The following RARB variants were observed in gnomAD, a reference collection of about 807,000 sequenced individuals.
RARB encodes retinoic acid receptor beta.
Under a neutral mutation model 51.9 loss-of-function variants are expected in RARB, and 17 were observed. That is an observed-to-expected ratio of 0.33 (90% confidence interval 0.22 to 0.49). The LOEUF (loss-of-function observed/expected upper bound fraction) is 0.49, where lower values mean the gene tolerates loss of function less well. RARB is among the 20% of genes least tolerant of loss of function. The pLI is 0.99. For synonymous variants in RARB, 215 were observed against 195.4 expected (o/e 1.10, Z -0.84); for missense variants, 369 against 550.8 (o/e 0.67, Z 3.30).
At chr3:25,233,206 A>G (rs1035894496) in intron 5 of RARB, among the ~76,000 whole-genome samples, 2 of 151,492 alleles carry the variant, frequency 1.3e-5, no homozygotes, top group Non-Finnish European at 2.9e-5. Context: ...TGATCCAATC[A>G]CCTCAGCCCC....
At chr3:24,912,191 A>G (rs1331158730) in intron 2 of RARB, among the ~76,000 whole-genome samples, 1 of 152,138 alleles carries the variant, frequency 6.6e-6, no homozygotes, top group Admixed American at 6.5e-5. Flanking sequence ...CAGGGGGGAA[A>G]TGTGGCTCCA....
chr3:25,475,712 C>G (rs539234413), intron 2 of RARB, among the ~76,000 whole-genome samples: 1 of 152,254 alleles, frequency 6.6e-6, no homozygotes, highest in Non-Finnish European at 1.5e-5. Flanking sequence ...TCTGCCATAT[C>G]CACGCTGACC....
At chr3:25,304,654 G>A (rs531472728) in intron 5 of RARB, among the ~76,000 whole-genome samples, 1 of 152,090 alleles carries the variant, frequency 6.6e-6, no homozygotes, top group Non-Finnish European at 1.5e-5. Context: ...CCACTACCGC[G>A]CTAGTCCACG....
intron 3 of RARB, among the ~76,000 whole-genome samples, chr3:25,548,800 C>G (rs1699727343): frequency 6.6e-6 from 1 of 152,042 alleles, no homozygotes; most frequent in South Asian, 2.1e-4. Flanking sequence ...TATATACATT[C>G]CCAGGAGAAA....
At chr3:25,541,790 G>T (rs530893692) in intron 3 of RARB, among the ~76,000 whole-genome samples, 3 of 152,114 alleles carry the variant, frequency 2.0e-5, no homozygotes, top group Non-Finnish European at 4.4e-5. Context: ...CTTCGAATTT[G>T]GTCTAGTCTC....
intron 5 of RARB, chr3:25,324,266 G>A (rs1011441947): frequency 6.0e-6 from 1 of 166,716 alleles, no homozygotes; most frequent in Non-Finnish European, 1.3e-5. Flanking sequence ...AGAAGCTCAA[G>A]AAGGTGGTAC....
At chr3:25,318,319 C>T (rs1211193512) in intron 5 of RARB, among the ~76,000 whole-genome samples, 1 of 152,072 alleles carries the variant, frequency 6.6e-6, no homozygotes, top group Non-Finnish European at 1.5e-5. Flanking sequence ...ATTGCAGTTC[C>T]TTGGGGTACA....
chr3:24,906,320 T>G (rs1255558803), intron 2 of RARB, among the ~76,000 whole-genome samples: 1 of 152,140 alleles, frequency 6.6e-6, no homozygotes, highest in African/African-American at 2.4e-5. Flanking sequence ...TCTTAGTGTT[T>G]GGATTGACTT....
chr3:25,242,894 T>C (rs561304743), intron 5 of RARB, among the ~76,000 whole-genome samples: 28 of 152,222 alleles, frequency 1.8e-4, no homozygotes, highest in Non-Finnish European at 3.8e-4. Context: ...TCAATTACTT[T>C]GGGCAGTATG....
intron 2 of RARB, among the ~76,000 whole-genome samples, chr3:24,954,750 G>A (rs1695972128): frequency 6.6e-6 from 1 of 152,084 alleles, no homozygotes; most frequent in Non-Finnish European, 1.5e-5. Context: ...GTAGAGAAAG[G>A]AAGCAGTTCT....
At chr3:25,367,817 C>CAAAAAAAAAAAAAAAAA (rs369165017) in intron 5 of RARB, among the ~76,000 whole-genome samples, 4 of 125,572 alleles carry the variant, frequency 3.2e-5, no homozygotes, top group East Asian at 2.3e-4. Flanking sequence ...AAAAAACAAG[C>CAAAAAAAAAAAAAAAAA]AAAAAAAAAA....
intron 5 of RARB, among the ~76,000 whole-genome samples, chr3:25,398,795 A>G (rs575969046): frequency 6.6e-6 from 1 of 152,338 alleles, no homozygotes; most frequent in East Asian, 1.9e-4. Flanking sequence ...CTGTATAAAT[A>G]CATGCATGTG....
chr3:25,425,574 A>C (rs1411708709), upstream of RARB, among the ~76,000 whole-genome samples: 1 of 152,206 alleles, frequency 6.6e-6, no homozygotes, highest in Non-Finnish European at 1.5e-5. Context: ...CTGATTATTC[A>C]TTTCAAGGCC....
Position 25,597,519 on chromosome 3 carries a change from A to C in RARB, c.*903A>C, listed in dbSNP as rs1701899555. 6.6e-6 allele frequency: 1 copy of C among 152,648 alleles called. No homozygotes were observed. Among genetic ancestry groups the C allele is most frequent in the Non-Finnish European group, 1.5e-5 (1 of 68,042 alleles). The allele number at this position is 152,648 out of a possible 1,614,324, so 9.5% of individuals were successfully genotyped here. The stretch of plus-strand genomic sequence containing the variant: ...CAAGCCATTAGGGAAATTTCATGGG[A>C]TAATTAGCAGGCTGGTCTACCACCT... On this transcript the variant is annotated 3_prime_UTR_variant, in exon 8 of 8. Coordinates refer to ENST00000330688, the MANE Select transcript of RARB (RefSeq NM_000965.5).
At chr3:24,875,381 T>A (rs1477917211) in intron 2 of RARB, among the ~76,000 whole-genome samples, 2 of 152,132 alleles carry the variant, frequency 1.3e-5, no homozygotes, top group African/African-American at 2.4e-5. Flanking sequence ...TCCGGACTCA[T>A]TTTTTAGGAT....
At chr3:24,875,333 G>A (rs1296884729) in intron 2 of RARB, among the ~76,000 whole-genome samples, 1 of 152,132 alleles carries the variant, frequency 6.6e-6, no homozygotes, top group East Asian at 1.9e-4. Context: ...ATCTATAGAT[G>A]ATCTGATGTG....
intron 5 of RARB, among the ~76,000 whole-genome samples, chr3:25,221,148 A>G (rs1701940187): frequency 6.7e-6 from 1 of 149,430 alleles, no homozygotes; most frequent in African/African-American, 2.6e-5. Flanking sequence ...TAATCAAACA[A>G]GGATGTATAA....
intron 4 of RARB, among the ~76,000 whole-genome samples, chr3:25,156,516 CAAAAAAAAAAAAAAAAAAA>C (rs35710364): frequency 4.6e-4 from 26 of 56,832 alleles, no homozygotes; most frequent in Non-Finnish European, 5.1e-4. Flanking sequence ...GCCCCAACTG[CAAAAAAAAAAAAAAAAAAA>C]AAAAAAAAAA....
At chr3:25,533,181 G>GT (rs1480990414) in intron 3 of RARB, among the ~76,000 whole-genome samples, 2 of 152,188 alleles carry the variant, frequency 1.3e-5, no homozygotes, top group African/African-American at 4.8e-5. Context: ...AAAATATGCA[G>GT]TTTTATGGGA....
Sources: gnomAD v4.1 joint callset for allele counts (sites outside exome capture counted in the v4.1 genomes callset) on GRCh38, gnomAD v4.1.1 for gene constraint, MANE v1.5 for transcripts, NCBI Gene and HGNC (gene_info 2026-07-23, HGNC 2026-07-21) for gene names.